Variants in EPN1 observed in about 807,000 individuals in gnomAD.
The protein encoded by EPN1 is epsin-1.
EPN1 carries 25 observed loss-of-function variants against 56.9 expected under a neutral mutation model. The observed-to-expected ratio is 0.44, with a 90% confidence interval of 0.32 to 0.61. The LOEUF (loss-of-function observed/expected upper bound fraction) is 0.61, where lower values mean the gene tolerates loss of function less well. Ranked by LOEUF, EPN1 falls within the 20% of genes least tolerant of loss-of-function variation. The pLI is 0.05. For missense variants in EPN1, 785 were observed against 823.7 expected (o/e 0.95, Z 0.58); for synonymous variants, 411 against 361.8 (o/e 1.14, Z -1.54).
Position 55,685,713 on chromosome 19 carries a change from C to T in EPN1, c.478+68C>T, listed in dbSNP as rs968691448. On this transcript the variant is annotated intron_variant, in intron 3 of 10. Coordinates refer to ENST00000270460, the MANE Select transcript of EPN1 (RefSeq NM_001130072.2). ...TCCGCCTACTGCGGCTCCCGGCACC[C>T]GGCCGCCCACTGCTTTCTCTCCCAG... 40 of 1,518,822 alleles carry T rather than the reference C, an allele frequency of 2.6e-5. No homozygotes were observed. The East Asian group carries it at 3.4e-4, about 13-fold the overall frequency. The allele number at this position is 1,518,822 out of a possible 1,614,324, so 94.1% of individuals were successfully genotyped here.
chr19:55,678,915 C>T, intron 2 of EPN1, 60 bp downstream of exon 2: 4 of 1,208,558 alleles, frequency 3.3e-6, no homozygotes, highest in Non-Finnish European at 4.7e-6. Context: ...GGACAGGAGC[C>T]CGTGTTGTGC....
rs936611243 is a variant in EPN1 at position 55,677,654 on chromosome 19, T to C, written c.-101-873T>C. 3 of 1,551,572 alleles carry C rather than the reference T, an allele frequency of 1.9e-6. No homozygotes were observed. The African/African-American group carries it at 4.1e-5, about 21-fold the overall frequency. On this transcript the variant is annotated intron_variant, in intron 1 of 10. Coordinates refer to ENST00000270460, the MANE Select transcript of EPN1 (RefSeq NM_001130072.2). Reference sequence around the variant, plus strand: ...CCAGGCAGTGGGGCTGTTAGGTTCCTTATCTCTCCTGAGCCTTGGGCTTCC... The same window carrying C: ...CCAGGCAGTGGGGCTGTTAGGTTCCCTATCTCTCCTGAGCCTTGGGCTTCC...
intron 2 of EPN1, 42 bp downstream of exon 2, chr19:55,678,897 A>C: frequency 7.0e-7 from 1 of 1,437,942 alleles, no homozygotes; most frequent in Non-Finnish European, 9.6e-7. Context: ...GCAGGGGCTC[A>C]GGTGGGAGGA....
At position 55,695,611 on chromosome 19, in the gene EPN1, G is replaced by T; in HGVS notation, c.*255G>T. ...CATTAGAAGGGGGAGGGGTGGCTGG[G>T]GCCCCCACCCATTCCCCCTCCCTCC... is the stretch of plus-strand genomic sequence containing the variant. On this transcript the variant is annotated 3_prime_UTR_variant, in exon 11 of 11. Coordinates refer to ENST00000270460, the MANE Select transcript of EPN1 (RefSeq NM_001130072.2). The surrounding 1 kb of genome is among the most constrained non-coding windows in gnomAD (Gnocchi z 4.4). 1 of 496,450 alleles carries T rather than the reference G, an allele frequency of 2.0e-6. No homozygotes were observed. The highest frequency in any genetic ancestry group is 3.6e-6 in the Non-Finnish European group (1 of 280,436). 30.8% of individuals were successfully genotyped at this position (496,450 alleles called of 1,614,324 possible).
In EPN1 at chr19:55,707,806, CTT is replaced by C. The variant is rs1987501727; in HGVS notation, c.*12453_*12454del. On this transcript the variant is annotated 3_prime_UTR_variant, in exon 11 of 11. Transcript: ENST00000270460. ...ACTGGAATCCCCCACACAATGGTGT[CTT>C]TTGTCCTATGGAAACCCTTGTCCAG... 2 of 154,448 alleles carry C rather than the reference CTT, an allele frequency of 1.3e-5. No individual in the cohort carries two copies. Among genetic ancestry groups the C allele is most frequent in the South Asian group, 2.0e-4 (1 of 4,934 alleles). The allele number at this position is 154,448 out of a possible 1,614,324, so 9.6% of individuals were successfully genotyped here. A position where few individuals can be genotyped will look rare whatever the true frequency, so the allele number is the denominator to read the frequency against.
At chr19:55,677,018 C>T in intron 1 of EPN1, 1 of 1,255,986 alleles carries the variant, frequency 8.0e-7, no homozygotes, top group Non-Finnish European at 1.1e-6. Context: ...CAGAGAGTTA[C>T]TTTTTAACTA....
chr19:55,694,785 A>C lies in EPN1; in HGVS notation c.1324A>C (p.Ser442Arg). The change falls in exon 10 of 11, where the codon AGT becomes CGT. Residue 442 changes from serine to arginine, a missense_variant. Ser to Arg is a moderately radical substitution (Grantham distance 110, BLOSUM62 -1). Around this residue, in one of 2 missense-constraint regions of EPN1, gnomAD observed 650 missense variants for 605.0 expected, o/e 1.07. Transcript: ENST00000270460. This position sits in a 1 kb window ranked among gnomAD's most constrained non-coding sequence, Gnocchi z 4.2. ...CCGAAGCCCTGGGGCGTTTGACATG[A>C]GTGGGGTCAGGGGATCTCTGGCTGA... ...PARSPGAFDM[S>R]GVRGSLAEAV... 1 of 1,608,542 alleles carries C rather than the reference A, an allele frequency of 6.2e-7. No individual in the cohort carries two copies. Among genetic ancestry groups the C allele is most frequent in the Non-Finnish European group, 8.5e-7 (1 of 1,176,710 alleles).
rs953876990 is a variant in EPN1, at chr19:55,708,797, C to G, written c.*13441C>G. 4.4e-6 allele frequency: 3 copies of G among 681,974 alleles called. No individual in the cohort carries two copies. Among genetic ancestry groups the G allele is most frequent in the Non-Finnish European group, 7.2e-6 (3 of 416,316 alleles). The allele number at this position is 681,974 out of a possible 1,614,324, so 42.2% of individuals were successfully genotyped here. On this transcript the variant is annotated 3_prime_UTR_variant, in exon 11 of 11. Transcript: ENST00000270460. ...TTGCTAGAACACTTAGGGAGTACCT[C>G]TGAAATCACAGCCCTGCTGCCATGA...
At position 55,706,045 on chromosome 19, in the gene EPN1, G is replaced by T; in HGVS notation, c.*10689G>T. 2 of 196,632 alleles carry T rather than the reference G, an allele frequency of 1.0e-5. No individual in the cohort carries two copies. Among genetic ancestry groups the T allele is most frequent in the South Asian group, 8.5e-5 (1 of 11,772 alleles). The allele number at this position is 196,632 out of a possible 1,614,324, so 12.2% of individuals were successfully genotyped here. ...GAAGGCCTTATTATCTGGAAGAAAA[G>T]GGACCATAGAATGTCCATTGGTTGG... On this transcript the variant is annotated 3_prime_UTR_variant, in exon 11 of 11. Coordinates refer to ENST00000270460, the MANE Select transcript of EPN1 (RefSeq NM_001130072.2).
intron 1 of EPN1, chr19:55,677,766 T>G (rs1985538124): frequency 6.7e-7 from 1 of 1,495,926 alleles, no homozygotes; most frequent in African/African-American, 1.4e-5. Flanking sequence ...CTGTCTTTAA[T>G]CCCTTCATCA....
chr19:55,675,858 A>AC (rs562079313), intron 1 of EPN1, among the ~76,000 whole-genome samples: 3 of 151,126 alleles, frequency 2.0e-5, no homozygotes, highest in Middle Eastern at 3.2e-3. Flanking sequence ...TGCAAATCTT[A>AC]CCCCCGCCCC....
intron 2 of EPN1, among the ~76,000 whole-genome samples, chr19:55,683,633 G>C (rs1477719539): frequency 6.6e-6 from 1 of 152,238 alleles, no homozygotes; most frequent in East Asian, 1.9e-4. Flanking sequence ...GATTATAGGC[G>C]TGAGCCACCA....
rs1987443911 is a variant in EPN1, at chr19:55,706,762, G to C, written c.*11406G>C. ...TTAAAAAAAAAAAGTAAATGGGCCA[G>C]GTGCGATGGCTTGTGCCTGTAATCC... On this transcript the variant is annotated 3_prime_UTR_variant, in exon 11 of 11. Coordinates refer to ENST00000270460, the MANE Select transcript of EPN1 (RefSeq NM_001130072.2). The C allele has an allele frequency of 6.6e-6, 1 of 151,970 alleles. No homozygotes were observed. Among genetic ancestry groups the C allele is most frequent in the African/African-American group, 2.4e-5 (1 of 41,288 alleles). The allele number at this position is 151,970 out of a possible 1,614,324, so 9.4% of individuals were successfully genotyped here.
chr19:55,686,107 C>T (rs1192471015), intron 3 of EPN1, among the ~76,000 whole-genome samples: 1 of 152,216 alleles, frequency 6.6e-6, no homozygotes, highest in Non-Finnish European at 1.5e-5. Flanking sequence ...GGCATCTGGG[C>T]CTGTGTTAGG....
Position 55,691,049 on chromosome 19 carries a change from ATG to A in EPN1, c.763-703_763-702del, listed in dbSNP as rs145769764. Among the ~76,000 whole-genome samples the A allele has an allele frequency of 8.1e-3, 1,229 of 152,120 alleles. 14 individuals carry two copies. The highest frequency in any genetic ancestry group is 0.024 in the African/African-American group (1,002 of 41,504). The stretch of plus-strand genomic sequence containing the variant: ...GCTGACTGGAGATGTGTGCATGAGT[ATG>A]TTGGGGGCATCTGCACGTTCTGAGA... On this transcript the variant is annotated intron_variant, in intron 6 of 10. Coordinates refer to ENST00000270460, the MANE Select transcript of EPN1 (RefSeq NM_001130072.2). This position sits in a 1 kb window ranked among gnomAD's most constrained non-coding sequence, Gnocchi z 5.6.
rs1422926576 is a variant in EPN1, at chr19:55,705,212, T to C, written c.*9856T>C. The C allele has an allele frequency of 6.6e-6, 1 of 152,188 alleles. No individual in the cohort carries two copies. Among genetic ancestry groups the C allele is most frequent in the Non-Finnish European group, 1.5e-5 (1 of 68,042 alleles). The allele number at this position is 152,188 out of a possible 1,614,324, so 9.4% of individuals were successfully genotyped here. ...TAGGAGTCTTTGAAGGAACTTAGCA[T>C]AGATACCGATAGCTGCTGACTGCAG... On this transcript the variant is annotated 3_prime_UTR_variant, in exon 11 of 11. Coordinates refer to ENST00000270460, the MANE Select transcript of EPN1 (RefSeq NM_001130072.2).
rs1491406169 is a variant in EPN1, at chr19:55,705,809, A to ATATATATATATATATATATATG, written c.*10472_*10473insATGTATATATATATATATATAT. 8.2e-3 allele frequency: 622 copies of ATATATATATATATATATATATG among 76,272 alleles called. 19 individuals are homozygous for ATATATATATATATATATATATG. Among genetic ancestry groups the ATATATATATATATATATATATG allele is most frequent in the South Asian group, 0.032 (56 of 1,728 alleles). The allele number at this position is 76,272 out of a possible 1,614,324, so 4.7% of individuals were successfully genotyped here. A position where few individuals can be genotyped will look rare whatever the true frequency, so the allele number is the denominator to read the frequency against. ...TGGCTGGAATATTTGTTGTTGTGGG[A>ATATATATATATATATATATATG]TATATATATATATATATATTTAGAG... On this transcript the variant is annotated 3_prime_UTR_variant, in exon 11 of 11. Transcript: ENST00000270460.
At chr19:55,678,460 T>A in intron 1 of EPN1, 67 bp from the exon 2 acceptor site, 1 of 1,440,350 alleles carries the variant, frequency 6.9e-7, no homozygotes, top group South Asian at 1.4e-5. Context: ...GAACTCATCT[T>A]TGACCCTGAG....
chr19:55,708,106 TATCCAAAG>T lies in EPN1; in HGVS notation c.*12752_*12759del, dbSNP rs1987518052. On this transcript the variant is annotated 3_prime_UTR_variant, in exon 11 of 11. Transcript: ENST00000270460. Reference sequence around the variant, plus strand: ...ATTATAGAAAATTCAGCCTCCCAAATATCCAAAGAATCCAGGAGTGTGCCAAGAGATCC... The same window carrying T: ...ATTATAGAAAATTCAGCCTCCCAAATAATCCAGGAGTGTGCCAAGAGATCC... The T allele has an allele frequency of 6.6e-6, 1 of 152,248 alleles. No individual in the cohort carries two copies. The highest frequency in any genetic ancestry group is 1.5e-5 in the Non-Finnish European group (1 of 68,052). The allele number at this position is 152,248 out of a possible 1,614,324, so 9.4% of individuals were successfully genotyped here.
Sources: allele counts gnomAD v4.1 joint callset (sites outside exome capture counted in the v4.1 genomes callset), GRCh38; gene constraint gnomAD v4.1.1; regional missense constraint gnomAD v4.1.1; non-coding constraint Gnocchi (gnomAD v3.1); transcripts MANE v1.5; gene names NCBI Gene and HGNC (gene_info 2026-07-23, HGNC 2026-07-21).